AKAP19: variants seen among roughly 807,000 people sequenced by gnomAD.
AKAP19 encodes small A-kinase anchoring protein.
chr2:190,089,871 C>T, the AKAP19 span, among the ~76,000 whole-genome samples: 1 of 152,172 alleles, frequency 6.6e-6, no homozygotes, highest in Non-Finnish European at 1.5e-5. Context: ...GTTCAGTCTG[C>T]CCCAAATGCC....
chr2:189,889,455 G>A, the AKAP19 span, among the ~76,000 whole-genome samples: 1 of 152,166 alleles, frequency 6.6e-6, no homozygotes. Flanking sequence ...AGTGACTTAA[G>A]GAGGATTCCC....
chr2:190,042,752 G>A, the AKAP19 span, among the ~76,000 whole-genome samples: 1 of 152,166 alleles, frequency 6.6e-6, no homozygotes, highest in Admixed American at 6.5e-5. Context: ...CGAGTCATTT[G>A]TTTGTGTGGT....
At chr2:189,949,661 G>C in the AKAP19 span, among the ~76,000 whole-genome samples, 2 of 123,924 alleles carry the variant, frequency 1.6e-5, no homozygotes, top group East Asian at 4.9e-4. Flanking sequence ...TTAGAGATGA[G>C]TCTCACTCTC....
chr2:190,017,662 A>G, the AKAP19 span, among the ~76,000 whole-genome samples: 1 of 152,136 alleles, frequency 6.6e-6, no homozygotes, highest in Non-Finnish European at 1.5e-5. Flanking sequence ...TCGTTTAACC[A>G]TCATACTAGA....
chr2:189,990,703 T>A, the AKAP19 span, among the ~76,000 whole-genome samples: 28 of 152,296 alleles, frequency 1.8e-4, no homozygotes, highest in African/African-American at 6.3e-4. Context: ...TTATTCTTTT[T>A]AAAAATTATT....
chr2:190,190,454 A>G, the AKAP19 span, among the ~76,000 whole-genome samples: 2 of 152,216 alleles, frequency 1.3e-5, no homozygotes, highest in African/African-American at 4.8e-5. Flanking sequence ...TGATTTGCCT[A>G]CTGATGGACA....
At chr2:190,201,725 G>A in the AKAP19 span, 4 of 166,816 alleles carry the variant, frequency 2.4e-5, no homozygotes, top group African/African-American at 4.8e-5. Flanking sequence ...CCGAGTCCCG[G>A]GATTTGTACT....
the AKAP19 span, chr2:189,923,245 G>C: frequency 7.5e-7 from 1 of 1,328,164 alleles, no homozygotes; most frequent in Non-Finnish European, 1.1e-6. Context: ...GCTTCTCTAC[G>C]CAGAACCCGG....
the AKAP19 span, among the ~76,000 whole-genome samples, chr2:190,003,354 A>G: frequency 1.3e-5 from 2 of 152,064 alleles, no homozygotes; most frequent in African/African-American, 4.8e-5. Context: ...ATTCTAATTT[A>G]TATAAACTCT....
the AKAP19 span, among the ~76,000 whole-genome samples, chr2:190,146,025 T>C: frequency 6.6e-6 from 1 of 151,792 alleles, no homozygotes; most frequent in Non-Finnish European, 1.5e-5. Context: ...TTTCCATAAG[T>C]TATTGGGGTA....
the AKAP19 span, among the ~76,000 whole-genome samples, chr2:189,897,041 A>T: frequency 6.6e-6 from 1 of 152,086 alleles, no homozygotes; most frequent in African/African-American, 2.4e-5. Flanking sequence ...GTGTTACTGT[A>T]GACTGTTAAC....
chr2:190,057,149 T>A, the AKAP19 span: 1 of 1,168,802 alleles, frequency 8.6e-7, no homozygotes, highest in Non-Finnish European at 1.2e-6. Context: ...CTTAAGTGAC[T>A]GTAGCATACT....
At chr2:190,004,341 AAT>A in the AKAP19 span, among the ~76,000 whole-genome samples, 1 of 152,180 alleles carries the variant, frequency 6.6e-6, no homozygotes, top group Non-Finnish European at 1.5e-5. Context: ...AGCATATGAA[AAT>A]ATGTCAGATA....
chr2:190,061,774 G>A, the AKAP19 span, among the ~76,000 whole-genome samples: 327 of 151,256 alleles, frequency 2.2e-3, 1 homozygote, highest in Non-Finnish European at 2.3e-3. Context: ...AATCACTTGA[G>A]GTTTTCAGCA....
At chr2:190,083,761 C>T in the AKAP19 span, among the ~76,000 whole-genome samples, 1 of 152,162 alleles carries the variant, frequency 6.6e-6, no homozygotes, top group Middle Eastern at 3.2e-3. Flanking sequence ...AGGTGATGAG[C>T]TCAAGCAGGG....
the AKAP19 span, among the ~76,000 whole-genome samples, chr2:190,182,020 C>A: frequency 1.3e-5 from 2 of 152,184 alleles, no homozygotes; most frequent in African/African-American, 4.8e-5. Context: ...AAATTATAAT[C>A]ATTACTTATT....
At chr2:190,043,489 T>A in the AKAP19 span, among the ~76,000 whole-genome samples, 3 of 152,224 alleles carry the variant, frequency 2.0e-5, no homozygotes, top group Non-Finnish European at 4.4e-5. Context: ...CTGCTGTTAA[T>A]ACTTGTGACT....
chr2:190,028,982 A>G, the AKAP19 span, among the ~76,000 whole-genome samples: 2 of 152,182 alleles, frequency 1.3e-5, no homozygotes, highest in Non-Finnish European at 2.9e-5. Context: ...TTGTTCCCAT[A>G]GTACCATAGG....
At chr2:189,977,758 A>C in the AKAP19 span, among the ~76,000 whole-genome samples, 1 of 152,190 alleles carries the variant, frequency 6.6e-6, no homozygotes, top group Non-Finnish European at 1.5e-5. Context: ...GAAGTTGTGG[A>C]GATATTAAAA....
Sources: gnomAD v4.1 joint callset for allele counts (sites outside exome capture counted in the v4.1 genomes callset) on GRCh38, gnomAD v4.1.1 for gene constraint, MANE v1.5 for transcripts, NCBI Gene and HGNC (gene_info 2026-07-23, HGNC 2026-07-21) for gene names.